Variants in MBOAT1 observed in about 807,000 individuals in gnomAD.
The protein encoded by MBOAT1 is membrane-bound glycerophospholipid O-acyltransferase 1.
In MBOAT1, 67 loss-of-function variants were observed where a neutral mutation model predicts 64.4. That is an observed-to-expected ratio of 1.04 (90% CI 0.85 to 1.27). The LOEUF (loss-of-function observed/expected upper bound fraction) is 1.27. Among genes scored for constraint, MBOAT1 ranks in the 50% most tolerant of loss-of-function variants. MBOAT1 has a pLI of 0.00. For missense variants in MBOAT1, 563 were observed against 604.6 expected (o/e 0.93, Z 0.72); for synonymous variants, 229 against 218.9 (o/e 1.05, Z -0.41).
At chr6:20,126,494 T>C in intron 7 of MBOAT1, 23 bp downstream of exon 7, 1 of 1,586,148 alleles carries the variant, frequency 6.3e-7, no homozygotes, top group Non-Finnish European at 8.5e-7. Context: ...CAAAACCCTA[T>C]TCTCTAGACA....
intron 9 of MBOAT1, among the ~76,000 whole-genome samples, chr6:20,116,932 G>C (rs1012854287): frequency 6.6e-5 from 10 of 152,156 alleles, no homozygotes; most frequent in African/African-American, 2.4e-4. Context: ...GAGTTTGGAA[G>C]GAGAGAAGAA....
intron 1 of MBOAT1, among the ~76,000 whole-genome samples, chr6:20,208,431 G>A (rs1344703340): frequency 5.1e-5 from 1 of 19,518 alleles, no homozygotes; most frequent in Non-Finnish European, 3.6e-4. Flanking sequence ...GGGTGACAGA[G>A]CTAGACTCTG....
intron 10 of MBOAT1, among the ~76,000 whole-genome samples, chr6:20,114,760 T>C (rs1249322679): frequency 6.6e-6 from 1 of 151,966 alleles, no homozygotes; most frequent in Non-Finnish European, 1.5e-5. Flanking sequence ...GATGGATGCC[T>C]GTAATCCCAG....
chr6:20,161,086 A>G (rs1985876), intron 1 of MBOAT1, among the ~76,000 whole-genome samples: 78,937 of 151,924 alleles, frequency 0.52, 22,243 homozygotes, highest in South Asian at 0.66. Context: ...CTTCATCTGT[A>G]TTTACAGTCA....
At chr6:20,170,645 C>G (rs1202565786) in intron 1 of MBOAT1, among the ~76,000 whole-genome samples, 1 of 152,174 alleles carries the variant, frequency 6.6e-6, no homozygotes, top group Non-Finnish European at 1.5e-5. Context: ...TGCTCCTCCC[C>G]CTTAGTCCTT....
intron 1 of MBOAT1, among the ~76,000 whole-genome samples, chr6:20,165,485 G>A (rs932535659): frequency 9.2e-5 from 14 of 152,178 alleles, no homozygotes; most frequent in Non-Finnish European, 1.9e-4. Flanking sequence ...GCTCACACCT[G>A]TAATCCTAGC....
intron 1 of MBOAT1, among the ~76,000 whole-genome samples, chr6:20,175,499 T>A (rs1581445177): frequency 6.6e-6 from 1 of 152,188 alleles, no homozygotes; most frequent in South Asian, 2.1e-4. Context: ...CAGGCTGGAG[T>A]GCAGTAGCAC....
At chr6:20,204,400 C>T (rs1479645597) in intron 1 of MBOAT1, among the ~76,000 whole-genome samples, 1 of 152,244 alleles carries the variant, frequency 6.6e-6, no homozygotes, top group African/African-American at 2.4e-5. Flanking sequence ...AGCCCACTAG[C>T]ATACAGCGCT....
At chr6:20,129,914 C>T (rs10456006) in intron 5 of MBOAT1, among the ~76,000 whole-genome samples, 12 of 152,144 alleles carry the variant, frequency 7.9e-5, no homozygotes, top group Non-Finnish European at 1.6e-4. Flanking sequence ...ACTGGGCAAA[C>T]CAGGACAGTT....
intron 1 of MBOAT1, among the ~76,000 whole-genome samples, chr6:20,196,164 C>A (rs1342825298): frequency 6.6e-6 from 1 of 152,190 alleles, no homozygotes; most frequent in Non-Finnish European, 1.5e-5. Context: ...AAATCCAAAG[C>A]AGCAAATGCA....
chr6:20,122,839 AT>A (rs890179322), intron 8 of MBOAT1, among the ~76,000 whole-genome samples: 8 of 149,924 alleles, frequency 5.3e-5, no homozygotes, highest in Admixed American at 1.3e-4. Context: ...AAAAAAAATT[AT>A]TTTTTTTTTG....
At chr6:20,199,241 G>A (rs1763052081) in intron 1 of MBOAT1, among the ~76,000 whole-genome samples, 1 of 152,074 alleles carries the variant, frequency 6.6e-6, no homozygotes, top group Non-Finnish European at 1.5e-5. Context: ...AATTTAATTT[G>A]GCTAAAGTTT....
rs757448205 is a variant in MBOAT1 at position 20,124,580 on chromosome 6, C to G, written c.735G>C (p.Leu245Phe). 1 of 1,614,138 alleles carries G rather than the reference C, an allele frequency of 6.2e-7. No homozygotes were observed. Among genetic ancestry groups the G allele is most frequent in the Admixed American group, 1.7e-5 (1 of 60,028 alleles). ...AAAGGAGAGACACCAAGGTGATGCCCAACTTGTGTATCACAGCTCCCTGAA... is the reference window on the plus strand; with the variant it reads ...AAAGGAGAGACACCAAGGTGATGCCGAACTTGTGTATCACAGCTCCCTGAA... ...PSPTGAVIHKLGITLVSLLLF... is the reference protein window; with the variant it reads ...PSPTGAVIHKFGITLVSLLLF... The change falls in exon 8 of 13, where the codon TTG (leucine) becomes TTC (phenylalanine). Residue 245 changes from leucine (L) to phenylalanine (F), a missense_variant. Transcript: ENST00000324607.
chr6:20,212,049 C>T, intron 1 of MBOAT1, 87 bp downstream of exon 1: 1 of 1,173,658 alleles, frequency 8.5e-7, no homozygotes, highest in Non-Finnish European at 1.2e-6. Flanking sequence ...GCCATGGAGG[C>T]GGAGGGACGG....
intron 1 of MBOAT1, among the ~76,000 whole-genome samples, chr6:20,158,941 G>A (rs1761770569): frequency 6.6e-6 from 1 of 152,162 alleles, no homozygotes; most frequent in Non-Finnish European, 1.5e-5. Flanking sequence ...AGCTTGTGGA[G>A]AAAAGGGAAC....
rs368168143 is a variant in MBOAT1 at position 20,212,116 on chromosome 6, C to G, written c.99+20G>C. ...GATCGCTGGGGAGCTGGGGTCGCTGCGCTCCCGGCCTGCAGTTACCTGGTC... is the reference window on the plus strand; with the variant it reads ...GATCGCTGGGGAGCTGGGGTCGCTGGGCTCCCGGCCTGCAGTTACCTGGTC... On this transcript the variant is annotated intron_variant, in intron 1 of 12. Coordinates refer to ENST00000324607, the MANE Select transcript of MBOAT1 (RefSeq NM_001080480.3). 3 of 1,609,112 alleles carry G rather than the reference C, an allele frequency of 1.9e-6. No homozygotes were observed. Among genetic ancestry groups the G allele is most frequent in the Non-Finnish European group, 2.5e-6 (3 of 1,177,510 alleles).
chr6:20,102,333 T>C lies in MBOAT1; in HGVS notation c.1441A>G (p.Arg481Gly). 6.2e-7 allele frequency: 1 copy of C among 1,614,066 alleles called. No homozygotes were observed. The highest frequency in any genetic ancestry group is 8.5e-7 in the Non-Finnish European group (1 of 1,179,930). The stretch of plus-strand genomic sequence containing the variant: ...ATAGAGTTCAGAGTCTGAGGCCGCC[T>C]TTGCGTATGAGCTTGTGGTTTCATT... The part of the protein sequence containing the change: ...LPMKPQAHTQ[R>G]RPQTLNSINK... Residue 481 changes from arginine (R) to glycine (G), a missense_variant, in exon 13 of 13, where the codon AGG becomes GGG. Arg to Gly is a moderately radical substitution (Grantham distance 125). Coordinates refer to ENST00000324607, the MANE Select transcript of MBOAT1 (RefSeq NM_001080480.3).
chr6:20,126,135 T>A (rs1270260537), intron 7 of MBOAT1, among the ~76,000 whole-genome samples: 1 of 152,162 alleles, frequency 6.6e-6, no homozygotes, highest in Non-Finnish European at 1.5e-5. Flanking sequence ...ACACAGTAAT[T>A]CCAGTTCCGT....
At chr6:20,111,877 T>TACATATATATATAC (rs1204943478) in intron 11 of MBOAT1, among the ~76,000 whole-genome samples, 1 of 136,900 alleles carries the variant, frequency 7.3e-6, no homozygotes. Context: ...TACATATATA[T>TACATATATATATAC]ATGTATATAT....
Sources: allele counts gnomAD v4.1 joint callset (sites outside exome capture counted in the v4.1 genomes callset), GRCh38; gene constraint gnomAD v4.1.1; transcripts MANE v1.5; gene names NCBI Gene and HGNC (gene_info 2026-07-23, HGNC 2026-07-21).